RNF24: variants seen among roughly 807,000 people sequenced by gnomAD.
RNF24 encodes ring finger protein 24.
Under a neutral mutation model 20.0 loss-of-function variants are expected in RNF24, and 14 were observed. That is an observed-to-expected ratio of 0.70 (90% confidence interval 0.46 to 1.10). The LOEUF (loss-of-function observed/expected upper bound fraction) is 1.10, where lower values mean the gene tolerates loss of function less well. RNF24 is among the 50% of genes least tolerant of loss of function. The probability of loss-of-function intolerance (pLI) is 0.00; values close to 1 mark genes in which losing one functional copy is unlikely to be tolerated. For missense variants in RNF24, 124 were observed against 177.6 expected, an observed-to-expected ratio of 0.70 and a Z score of 1.71; for synonymous variants, 45 against 61.1, an observed-to-expected ratio of 0.74 and a Z score of 1.23.
At chr20:3,939,149 CTA>C (rs1204460776) in intron 4 of RNF24, among the ~76,000 whole-genome samples, 1 of 152,032 alleles carries the variant, frequency 6.6e-6, no homozygotes, top group Non-Finnish European at 1.5e-5. Context: ...ATTTATACAT[CTA>C]TGTTTATTTC....
At chr20:3,953,308 C>G (rs535620320) in intron 2 of RNF24, among the ~76,000 whole-genome samples, 7 of 151,754 alleles carry the variant, frequency 4.6e-5, no homozygotes, top group Non-Finnish European at 1.0e-4. Context: ...CCCGCCACCA[C>G]GCCCGGCTAA....
intron 1 of RNF24, among the ~76,000 whole-genome samples, chr20:3,987,582 A>C (rs1980038006): frequency 6.6e-6 from 1 of 152,160 alleles, no homozygotes; most frequent in South Asian, 2.1e-4. Context: ...TACATTAAAG[A>C]CTCATTAGCT....
rs532367392 is a variant in RNF24 at position 3,990,998 on chromosome 20, A to G, written c.-8+24439T>C. Among the ~76,000 whole-genome samples, 11 of 152,246 alleles carry G rather than the reference A, an allele frequency of 7.2e-5. No individual in the cohort carries two copies. The South Asian group carries it at 2.3e-3, about 32-fold the overall frequency. ...GCATGTGGCATATCACCTCTGATAT[A>G]AAAAGAAAAGAGAAGCTAGCTTTGT... On this transcript the variant is annotated intron_variant, in intron 1 of 5. Coordinates refer to ENST00000358395, the MANE Select transcript of RNF24 (RefSeq NM_001134337.3).
Position 4,012,437 on chromosome 20 carries a change from C to T in RNF24, c.-8+3000G>A, listed in dbSNP as rs533116773. On this transcript the variant is annotated intron_variant, in intron 1 of 5. Coordinates refer to ENST00000358395, the MANE Select transcript of RNF24 (RefSeq NM_001134337.3). Reference sequence around the variant, plus strand: ...ATCTCAAAAAAAAAAAACAACAAAACACCCAAAAAACAAAAAAGCAATTAT... The same window carrying T: ...ATCTCAAAAAAAAAAAACAACAAAATACCCAAAAAACAAAAAAGCAATTAT... Among the ~76,000 whole-genome samples, 17 of 150,288 alleles carry T rather than the reference C, an allele frequency of 1.1e-4. No homozygotes were observed. In the South Asian group the frequency reaches 3.6e-3, roughly 31 times the overall value.
intron 1 of RNF24, among the ~76,000 whole-genome samples, chr20:4,000,626 C>T (rs540878856): frequency 2.6e-5 from 4 of 152,252 alleles, no homozygotes; most frequent in South Asian, 2.1e-4. Context: ...TGACATCCAC[C>T]GAAATGGAAC....
At chr20:3,939,497 A>G (rs2146945737) in intron 4 of RNF24, among the ~76,000 whole-genome samples, 1 of 152,364 alleles carries the variant, frequency 6.6e-6, no homozygotes, top group Middle Eastern at 3.4e-3. Context: ...TTGAAAATCA[A>G]CTGACCATAA....
At chr20:3,993,818 G>T (rs998227390) in intron 1 of RNF24, among the ~76,000 whole-genome samples, 7 of 152,122 alleles carry the variant, frequency 4.6e-5, no homozygotes, top group African/African-American at 7.2e-5. Context: ...TGGCAACAAG[G>T]TATATATTTT....
intron 1 of RNF24, among the ~76,000 whole-genome samples, chr20:3,981,465 T>C (rs1979370439): frequency 6.6e-6 from 1 of 152,172 alleles, no homozygotes; most frequent in African/African-American, 2.4e-5. Flanking sequence ...TATAAAATTC[T>C]TTCTCCACTG....
At chr20:3,960,922 T>G (rs1031801049) in intron 2 of RNF24, among the ~76,000 whole-genome samples, 4 of 152,002 alleles carry the variant, frequency 2.6e-5, no homozygotes, top group African/African-American at 9.7e-5. Context: ...GCCTCCCGAT[T>G]AGCTGGGACT....
At chr20:3,953,285 G>C (rs909552308) in intron 2 of RNF24, among the ~76,000 whole-genome samples, 1 of 152,040 alleles carries the variant, frequency 6.6e-6, no homozygotes, top group Non-Finnish European at 1.5e-5. Flanking sequence ...CCGAGTAGCT[G>C]GGACTACAGA....
intron 1 of RNF24, among the ~76,000 whole-genome samples, chr20:4,010,894 G>A (rs780539492): frequency 5.9e-5 from 9 of 152,144 alleles, no homozygotes; most frequent in East Asian, 1.9e-4. Context: ...CAAAACGTTC[G>A]GGGGAGAATT....
chr20:3,966,172 A>T, intron 1 of RNF24, among the ~76,000 whole-genome samples: 1 of 150,920 alleles, frequency 6.6e-6, no homozygotes. Context: ...AGAAAATAAG[A>T]GAATAAACAT....
At chr20:3,937,838 T>C (rs886618337) in intron 4 of RNF24, among the ~76,000 whole-genome samples, 13 of 152,226 alleles carry the variant, frequency 8.5e-5, no homozygotes, top group African/African-American at 2.9e-4. Flanking sequence ...ATGTACCGCA[T>C]TTTGTTTACC....
chr20:3,973,745 A>G (rs796462680), intron 1 of RNF24, among the ~76,000 whole-genome samples: 15 of 152,304 alleles, frequency 9.8e-5, no homozygotes, highest in African/African-American at 3.6e-4. Flanking sequence ...AAACTGAATT[A>G]GTCATTTAAA....
intron 2 of RNF24, among the ~76,000 whole-genome samples, chr20:3,963,421 G>C (rs1179481036): frequency 1.3e-5 from 2 of 152,166 alleles, no homozygotes. Context: ...GAGAACTCCC[G>C]ACCTTAGGTG....
At chr20:3,988,461 T>C (rs953141934) in intron 1 of RNF24, among the ~76,000 whole-genome samples, 15 of 145,286 alleles carry the variant, frequency 1.0e-4, no homozygotes, top group Non-Finnish European at 1.8e-4. Context: ...GAAACTCTTT[T>C]TTTTTTTTTT....
At chr20:3,982,893 TACAA>T (rs747985827) in intron 1 of RNF24, among the ~76,000 whole-genome samples, 16 of 152,308 alleles carry the variant, frequency 1.1e-4, no homozygotes, top group East Asian at 1.9e-4. Flanking sequence ...ACCCTGTCTC[TACAA>T]ACAAAGTGAG....
At position 3,994,537 on chromosome 20, in the gene RNF24, A is replaced by G. The variant is rs545472899; in HGVS notation, c.-8+20900T>C. On this transcript the variant is annotated intron_variant, in intron 1 of 5. Coordinates refer to ENST00000358395, the MANE Select transcript of RNF24 (RefSeq NM_001134337.3). ...TTAATAACTAAATTCAAGTATACAA[A>G]GGTGATTAGAAGGCACTAAATTTTC... Among the ~76,000 whole-genome samples, 5 of 152,344 alleles carry G rather than the reference A, an allele frequency of 3.3e-5. No homozygotes were observed. The East Asian group carries it at 9.7e-4, about 29-fold the overall frequency.
Position 3,963,985 on chromosome 20 carries a change from C to A in RNF24, c.33G>T (p.Arg11Ser). ...GATTCTGGAATCCAATATTAGGCAT[C>A]CTGAAGTTGTAATGTGGGAAATCCG... is the stretch of plus-strand genomic sequence containing the variant. MSSDFPHYNFRMPNIGFQNLP... is the reference protein window; with the variant it reads MSSDFPHYNFSMPNIGFQNLP... The change falls in exon 2 of 6, where the codon AGG becomes AGT. Residue 11 changes from arginine to serine, a missense_variant. By Grantham distance (110) the Arg-to-Ser change is moderately radical. Transcript: ENST00000358395. 6.2e-7 allele frequency: 1 copy of A among 1,613,098 alleles called. No homozygotes were observed. Among genetic ancestry groups the A allele is most frequent in the South Asian group, 1.1e-5 (1 of 90,950 alleles).
Sources: allele counts gnomAD v4.1 joint callset (sites outside exome capture counted in the v4.1 genomes callset), GRCh38; gene constraint gnomAD v4.1.1; transcripts MANE v1.5; gene names NCBI Gene and HGNC (gene_info 2026-07-23, HGNC 2026-07-21).